The following LIPC variants were observed in gnomAD, a reference collection of about 807,000 sequenced individuals.
The protein encoded by LIPC is hepatic triacylglycerol lipase.
A neutral mutation model predicts 50.7 loss-of-function variants in LIPC; 44 were observed. The observed-to-expected ratio is 0.87, with a 90% CI of 0.68 to 1.11. The LOEUF is 1.11. Ranked by LOEUF, LIPC falls within the 50% of genes most tolerant of loss-of-function variation. LIPC has a pLI of 0.00. For synonymous variants in LIPC, 271 were observed against 256.4 expected (o/e 1.06, Z -0.54); for missense variants, 697 against 648.2 (o/e 1.08, Z -0.82).
chr15:58,500,979 C>G (rs1177411517), intron 1 of LIPC, among the ~76,000 whole-genome samples: 2 of 152,084 alleles, frequency 1.3e-5, no homozygotes, highest in Admixed American at 6.5e-5. Flanking sequence ...ATTAGTGACA[C>G]AACCTTACCA....
At chr15:58,492,862 A>G (rs964637598) in intron 1 of LIPC, among the ~76,000 whole-genome samples, 4 of 152,144 alleles carry the variant, frequency 2.6e-5, no homozygotes, top group African/African-American at 9.7e-5. Flanking sequence ...TTTCCTCCTG[A>G]CAGCTGGCCA....
intron 1 of LIPC, among the ~76,000 whole-genome samples, chr15:58,530,675 A>G (rs1892934857): frequency 6.6e-6 from 1 of 152,138 alleles, no homozygotes; most frequent in Admixed American, 6.5e-5. Flanking sequence ...TCCCCACCCC[A>G]TTCCCTGGAC....
chr15:58,516,671 G>C (rs1892498438), intron 1 of LIPC, among the ~76,000 whole-genome samples: 1 of 152,110 alleles, frequency 6.6e-6, no homozygotes, highest in South Asian at 2.1e-4. Flanking sequence ...TAGAAGTTCA[G>C]TTTAGACTTC....
At chr15:58,564,305 C>A (rs12440615) in intron 8 of LIPC, among the ~76,000 whole-genome samples, 149,774 of 151,998 alleles carry the variant, frequency 0.99, 73,838 homozygotes, top group East Asian at 1. Flanking sequence ...GTTGTTGAAT[C>A]AGAGCCCTAA....
intron 1 of LIPC, among the ~76,000 whole-genome samples, chr15:58,490,436 G>A (rs1356139186): frequency 1.3e-5 from 2 of 152,194 alleles, no homozygotes; most frequent in African/African-American, 2.4e-5. Flanking sequence ...TTGTAGCTGA[G>A]TGGGTGAAAC....
At chr15:58,455,983 G>A (rs888455643) in intron 1 of LIPC, among the ~76,000 whole-genome samples, 3 of 152,144 alleles carry the variant, frequency 2.0e-5, no homozygotes, top group South Asian at 2.1e-4. Context: ...CCCCAAGGAA[G>A]GGAAGGGGGT....
At chr15:58,530,159 T>G (rs1595923706) in intron 1 of LIPC, among the ~76,000 whole-genome samples, 1 of 152,198 alleles carries the variant, frequency 6.6e-6, no homozygotes, top group Admixed American at 6.5e-5. Flanking sequence ...CGCTGCATGG[T>G]CTCCAGGCGC....
intron 1 of LIPC, among the ~76,000 whole-genome samples, chr15:58,444,515 G>A (rs1467168782): frequency 3.3e-5 from 5 of 152,166 alleles, no homozygotes; most frequent in African/African-American, 1.2e-4. Flanking sequence ...TTTTCTCACA[G>A]TTCTGGAAGT....
At chr15:58,549,314 C>G (rs1483013414) in intron 6 of LIPC, among the ~76,000 whole-genome samples, 1 of 152,256 alleles carries the variant, frequency 6.6e-6, no homozygotes, top group African/African-American at 2.4e-5. Context: ...CTCACTGTTT[C>G]ATCGCACAGC....
intron 1 of LIPC, among the ~76,000 whole-genome samples, chr15:58,447,975 T>A (rs1441773630): frequency 6.6e-6 from 1 of 152,220 alleles, no homozygotes; most frequent in African/African-American, 2.4e-5. Context: ...GGATATCCCT[T>A]TATACTACGT....
At chr15:58,472,087 T>G (rs989898222) in intron 1 of LIPC, among the ~76,000 whole-genome samples, 9 of 151,524 alleles carry the variant, frequency 5.9e-5, no homozygotes, top group Admixed American at 4.6e-4. Flanking sequence ...CTGATCAACA[T>G]CGTGAAACCC....
rs185777716 is a variant in LIPC at position 58,491,361 on chromosome 15, C to T, written c.89-46972C>T. On this transcript the variant is annotated intron_variant, in intron 1 of 8. Coordinates refer to ENST00000299022, the MANE Select transcript of LIPC (RefSeq NM_000236.3). The stretch of plus-strand genomic sequence containing the variant: ...ACTCTCCCCAGATGTGTCACCAAGG[C>T]AAGTCACTCAGCTTCTCTGAGGCTC... 6.6e-4 allele frequency among the ~76,000 whole-genome samples: 101 copies of T among 152,312 alleles called. 1 individual carries two copies. The highest frequency in any genetic ancestry group is 1.2e-3 in the Non-Finnish European group (84 of 68,032).
chr15:58,557,377 C>CT (rs1893987738), intron 6 of LIPC, among the ~76,000 whole-genome samples: 1 of 45,484 alleles, frequency 2.2e-5, no homozygotes, highest in Non-Finnish European at 4.6e-5. Context: ...CCATTATATG[C>CT]TCTTTTTTTT....
chr15:58,518,003 C>T (rs1892535550), intron 1 of LIPC, among the ~76,000 whole-genome samples: 1 of 152,220 alleles, frequency 6.6e-6, no homozygotes, highest in Non-Finnish European at 1.5e-5. Flanking sequence ...TGTGTCTGCT[C>T]TCTTACTATA....
intron 1 of LIPC, chr15:58,523,094 C>T (rs1892702749): frequency 6.6e-6 from 1 of 152,420 alleles, no homozygotes; most frequent in African/African-American, 2.4e-5. Context: ...GCCCCACTTC[C>T]TCTCGCTCTG....
intron 2 of LIPC, among the ~76,000 whole-genome samples, chr15:58,541,503 C>T (rs549510889): frequency 2.0e-5 from 3 of 151,332 alleles, no homozygotes; most frequent in Non-Finnish European, 4.4e-5. Flanking sequence ...CGGGGGGGAA[C>T]GTTTGGAAAA....
intron 1 of LIPC, among the ~76,000 whole-genome samples, chr15:58,511,221 C>T (rs1290310808): frequency 1.3e-5 from 2 of 152,088 alleles, no homozygotes; most frequent in East Asian, 1.9e-4. Flanking sequence ...ATGTTTCCAG[C>T]TAAGACTTCT....
At chr15:58,518,411 C>T (rs899773985) in intron 1 of LIPC, among the ~76,000 whole-genome samples, 8 of 152,310 alleles carry the variant, frequency 5.3e-5, no homozygotes, top group Non-Finnish European at 8.8e-5. Context: ...TGTGCTGATA[C>T]CAGTGAGTCT....
Position 58,538,479 on chromosome 15 carries a change from T to A in LIPC, c.235T>A (p.Ser79Thr). 2.5e-6 allele frequency: 4 copies of A among 1,614,124 alleles called. No homozygotes were observed. Among genetic ancestry groups the A allele is most frequent in the Non-Finnish European group, 3.4e-6 (4 of 1,180,016 alleles). ...PDTLQECGFN[S>T]SLPLVMIIHG... ...CACGTTACAGGAGTGCGGCTTCAACTCCTCCCTGCCTCTGGTGATGATAAT... is the reference window on the plus strand; with the variant it reads ...CACGTTACAGGAGTGCGGCTTCAACACCTCCCTGCCTCTGGTGATGATAAT... Residue 79 changes from serine (S) to threonine (T), a missense_variant, in exon 2 of 9, where the codon TCC becomes ACC. Transcript: ENST00000299022.
Sources: allele counts gnomAD v4.1 joint callset (sites outside exome capture counted in the v4.1 genomes callset), GRCh38; gene constraint gnomAD v4.1.1; transcripts MANE v1.5; gene names NCBI Gene and HGNC (gene_info 2026-07-23, HGNC 2026-07-21).